Variants in AP1B1 observed in about 807,000 individuals in gnomAD.
AP1B1 encodes AP-1 complex subunit beta-1.
A neutral mutation model predicts 104.3 loss-of-function variants in AP1B1; 36 were observed. That is an observed-to-expected ratio of 0.35 (90% CI 0.26 to 0.46). The LOEUF (loss-of-function observed/expected upper bound fraction) is 0.46, where lower values mean the gene tolerates loss of function less well. Among genes scored for constraint, AP1B1 ranks in the 20% least tolerant of loss-of-function variants. The pLI, the probability that AP1B1 is intolerant of heterozygous loss-of-function variation, is 1.00. For synonymous variants in AP1B1, 504 were observed against 517.5 expected (o/e 0.97, Z 0.35); for missense variants, 901 against 1,247.9 (o/e 0.72, Z 4.19).
chr22:29,378,894 G>A (rs1401626319), intron 1 of AP1B1, among the ~76,000 whole-genome samples: 1 of 150,494 alleles, frequency 6.6e-6, no homozygotes, highest in South Asian at 2.1e-4. Context: ...AGTTTCCTGA[G>A]GCCCACTAGC....
intron 16 of AP1B1, among the ~76,000 whole-genome samples, chr22:29,338,024 C>T (rs930413212): frequency 4.6e-5 from 7 of 152,234 alleles, no homozygotes; most frequent in Non-Finnish European, 7.3e-5. Flanking sequence ...CTTCCTCCTT[C>T]ACTGATCCCT....
intron 1 of AP1B1, among the ~76,000 whole-genome samples, chr22:29,379,111 T>C (rs557050395): frequency 6.6e-6 from 1 of 152,194 alleles, no homozygotes; most frequent in African/African-American, 2.4e-5. Flanking sequence ...CCCAGCACTT[T>C]AGGAGACCGA....
chr22:29,362,354 T>C (rs1193217145), intron 3 of AP1B1, among the ~76,000 whole-genome samples: 2 of 151,818 alleles, frequency 1.3e-5, no homozygotes, highest in African/African-American at 4.8e-5. Flanking sequence ...CATTCTTCTT[T>C]TTTTTTTTTT....
At chr22:29,386,007 C>T (rs552871151) in intron 1 of AP1B1, among the ~76,000 whole-genome samples, 2 of 152,298 alleles carry the variant, frequency 1.3e-5, no homozygotes, top group South Asian at 4.1e-4. Context: ...AAAAGTCCTG[C>T]GTACATTAAG....
chr22:29,331,437 C>A lies in AP1B1; in HGVS notation c.2524+12G>T, dbSNP rs758686272. 6.2e-7 allele frequency: 1 copy of A among 1,614,070 alleles called. No homozygotes were observed. Among genetic ancestry groups the A allele is most frequent in the Non-Finnish European group, 8.5e-7 (1 of 1,179,924 alleles). On this transcript the variant is annotated intron_variant, in intron 19 of 22. Coordinates refer to ENST00000357586, the MANE Select transcript of AP1B1 (RefSeq NM_001127.4). ...CATTTCAGGCACCCCAGCGGGCTCC[C>A]TCATGACTCACCCATCTTCCCGTCC...
intron 21 of AP1B1, chr22:29,329,995 A>G: frequency 2.1e-6 from 3 of 1,410,902 alleles, no homozygotes; most frequent in Non-Finnish European, 2.8e-6. Context: ...GTCTACCTCA[A>G]AGGCTGGGAG....
chr22:29,335,217 T>A (rs1388631312), intron 16 of AP1B1, among the ~76,000 whole-genome samples: 1 of 152,052 alleles, frequency 6.6e-6, no homozygotes, highest in Non-Finnish European at 1.5e-5. Context: ...ATGGAAGACA[T>A]CCACCAGCGG....
chr22:29,366,694 G>A (rs937329099), intron 2 of AP1B1, among the ~76,000 whole-genome samples: 3 of 152,002 alleles, frequency 2.0e-5, no homozygotes, highest in African/African-American at 7.3e-5. Flanking sequence ...AGCAATTCCG[G>A]AGGCTGAGGC....
chr22:29,384,922 C>G (rs1259482136), intron 1 of AP1B1, among the ~76,000 whole-genome samples: 1 of 152,146 alleles, frequency 6.6e-6, no homozygotes, highest in African/African-American at 2.4e-5. Flanking sequence ...AATCACAACC[C>G]ACTGTGACCC....
chr22:29,336,528 G>A (rs1165833085), intron 16 of AP1B1, among the ~76,000 whole-genome samples: 2 of 152,168 alleles, frequency 1.3e-5, no homozygotes, highest in African/African-American at 2.4e-5. Context: ...ATGGCTGGGC[G>A]CAGTGGCTCA....
intron 11 of AP1B1, among the ~76,000 whole-genome samples, chr22:29,343,385 G>C (rs2061742506): frequency 6.6e-6 from 1 of 152,256 alleles, no homozygotes; most frequent in Non-Finnish European, 1.5e-5. Context: ...CTTGTGCAGG[G>C]AAGGCTGACA....
At chr22:29,365,884 GT>G (rs1282172934) in intron 2 of AP1B1, among the ~76,000 whole-genome samples, 9 of 151,766 alleles carry the variant, frequency 5.9e-5, no homozygotes, top group African/African-American at 2.2e-4. Flanking sequence ...CTTCAGTGTG[GT>G]TACTACTCTA....
intron 2 of AP1B1, among the ~76,000 whole-genome samples, chr22:29,366,251 G>A (rs6006108): frequency 0.35 from 53,747 of 152,082 alleles, 10,409 homozygotes; most frequent in East Asian, 0.66. Context: ...TTTCAGTGTA[G>A]CTACTCAATA....
chr22:29,383,577 C>T (rs767448059), intron 1 of AP1B1, among the ~76,000 whole-genome samples: 45 of 150,176 alleles, frequency 3.0e-4, no homozygotes, highest in Admixed American at 4.0e-4. Context: ...GGCGTGGTGG[C>T]GGGCGCCTGT....
chr22:29,331,722 G>C, intron 18 of AP1B1, 65 bp downstream of exon 18: 1 of 1,613,292 alleles, frequency 6.2e-7, no homozygotes. Flanking sequence ...ACCTTCTACT[G>C]ACCCCAGTGG....
At chr22:29,362,265 A>G (rs2062060948) in intron 3 of AP1B1, among the ~76,000 whole-genome samples, 2 of 152,202 alleles carry the variant, frequency 1.3e-5, no homozygotes, top group African/African-American at 4.8e-5. Context: ...CGTGTGTTTT[A>G]CTTGCACCAC....
chr22:29,352,634 T>C (rs1427873582), intron 7 of AP1B1, among the ~76,000 whole-genome samples: 1 of 152,142 alleles, frequency 6.6e-6, no homozygotes, highest in East Asian at 1.9e-4. Context: ...GGTATAGCTA[T>C]ATGCTGAGTC....
chr22:29,379,685 G>A (rs2062406788), intron 1 of AP1B1, among the ~76,000 whole-genome samples: 1 of 152,184 alleles, frequency 6.6e-6, no homozygotes, highest in South Asian at 2.1e-4. Flanking sequence ...GAGATAGGTG[G>A]AGCAGCAAGG....
chr22:29,348,281 G>C (rs1272768541), intron 11 of AP1B1, among the ~76,000 whole-genome samples: 5 of 152,164 alleles, frequency 3.3e-5, no homozygotes, highest in African/African-American at 7.2e-5. Context: ...GGTCAAATAA[G>C]GCAACACTCA....
Sources: allele counts gnomAD v4.1 joint callset (sites outside exome capture counted in the v4.1 genomes callset), GRCh38; gene constraint gnomAD v4.1.1; transcripts MANE v1.5; gene names NCBI Gene and HGNC (gene_info 2026-07-23, HGNC 2026-07-21).